TRPM3: variants seen among roughly 807,000 people sequenced by gnomAD.
TRPM3 encodes transient receptor potential cation channel subfamily M member 3, also known as long transient receptor potential channel 3.
Under a neutral mutation model 181.2 loss-of-function variants are expected in TRPM3, and 77 were observed. That is an observed-to-expected ratio of 0.42 (90% CI 0.35 to 0.51). The LOEUF (loss-of-function observed/expected upper bound fraction) is 0.51, where lower values mean the gene tolerates loss of function less well. Among genes scored for constraint, TRPM3 ranks in the 20% least tolerant of loss-of-function variants. The probability of loss-of-function intolerance (pLI) is 0.01; values close to 1 mark genes in which losing one functional copy is unlikely to be tolerated. For synonymous variants in TRPM3, 745 were observed against 796.4 expected (o/e 0.94, Z 1.09); for missense variants, 1,759 against 2,196.7 (o/e 0.80, Z 3.98).
chr9:70,590,971 C>T, intron 22 of TRPM3, 60 bp downstream of exon 22: 4 of 1,606,022 alleles, frequency 2.5e-6, no homozygotes, highest in South Asian at 1.1e-5. Flanking sequence ...TTGGAAAAGA[C>T]ATAACCGAAT....
At chr9:70,968,754 G>T (rs1298533365) in intron 1 of TRPM3, among the ~76,000 whole-genome samples, 1 of 151,956 alleles carries the variant, frequency 6.6e-6, no homozygotes, top group Non-Finnish European at 1.5e-5. Context: ...AATTATATAA[G>T]GTAGATAGTA....
At chr9:71,408,842 G>A (rs527727008) in intron 1 of TRPM3, among the ~76,000 whole-genome samples, 32 of 152,232 alleles carry the variant, frequency 2.1e-4, no homozygotes, top group African/African-American at 7.5e-4. Context: ...AAAGTTTAAG[G>A]GCAGCCAGAG....
chr9:71,352,785 A>T (rs1407988595), intron 1 of TRPM3, among the ~76,000 whole-genome samples: 1 of 152,050 alleles, frequency 6.6e-6, no homozygotes, highest in Non-Finnish European at 1.5e-5. Flanking sequence ...GCCTTTGTCT[A>T]TCTCAGGCAC....
At chr9:71,059,535 T>C (rs2061067551) in intron 1 of TRPM3, among the ~76,000 whole-genome samples, 1 of 152,080 alleles carries the variant, frequency 6.6e-6, no homozygotes, top group South Asian at 2.1e-4. Context: ...CGTACCCAGT[T>C]ATTTAATCAT....
At chr9:71,005,384 C>A (rs1368820627) in intron 1 of TRPM3, among the ~76,000 whole-genome samples, 1 of 151,118 alleles carries the variant, frequency 6.6e-6, no homozygotes, top group African/African-American at 2.4e-5. Flanking sequence ...CTAGCCTGGG[C>A]AACTAGAGTG....
chr9:71,375,867 A>G (rs2092653521), intron 1 of TRPM3, among the ~76,000 whole-genome samples: 1 of 152,038 alleles, frequency 6.6e-6, no homozygotes, highest in Admixed American at 6.6e-5. Flanking sequence ...AGGTATGTAC[A>G]TTGTTTTTTA....
chr9:71,112,425 T>C (rs1053977868), intron 1 of TRPM3, among the ~76,000 whole-genome samples: 4 of 152,196 alleles, frequency 2.6e-5, no homozygotes, highest in East Asian at 1.9e-4. Context: ...GCACGAAATA[T>C]TGGTTTAACT....
intron 1 of TRPM3, among the ~76,000 whole-genome samples, chr9:71,235,171 T>C (rs187809929): frequency 2.0e-5 from 3 of 152,352 alleles, no homozygotes; most frequent in Non-Finnish European, 4.4e-5. Flanking sequence ...TTCTTTGCAT[T>C]GTTCTTCTGC....
At chr9:71,032,041 T>TA (rs371390562) in intron 1 of TRPM3, among the ~76,000 whole-genome samples, 2 of 52,566 alleles carry the variant, frequency 3.8e-5, no homozygotes, top group South Asian at 5.3e-4. Flanking sequence ...TAAATATATA[T>TA]ATATATATTA....
intron 1 of TRPM3, among the ~76,000 whole-genome samples, chr9:71,394,351 A>G (rs1298648535): frequency 6.6e-6 from 1 of 151,886 alleles, no homozygotes; most frequent in Non-Finnish European, 1.5e-5. Flanking sequence ...ACATAGTTTG[A>G]AAAAAATTCC....
intron 7 of TRPM3, among the ~76,000 whole-genome samples, chr9:70,767,286 T>C (rs1283353292): frequency 6.6e-6 from 1 of 152,316 alleles, no homozygotes; most frequent in East Asian, 1.9e-4. Flanking sequence ...TTAATTATAG[T>C]AGAGTCTTGC....
chr9:70,872,078 G>A (rs2095798529), intron 1 of TRPM3, among the ~76,000 whole-genome samples: 1 of 152,016 alleles, frequency 6.6e-6, no homozygotes, highest in Non-Finnish European at 1.5e-5. Context: ...TAAAGAGCAT[G>A]ATATAAAGTA....
intron 1 of TRPM3, among the ~76,000 whole-genome samples, chr9:71,166,338 C>T (rs1474547925): frequency 1.3e-5 from 2 of 152,130 alleles, no homozygotes; most frequent in Admixed American, 1.3e-4. Context: ...AGGAAACGAG[C>T]AGCCCAGTTA....
intron 1 of TRPM3, among the ~76,000 whole-genome samples, chr9:71,202,752 A>G (rs1037058667): frequency 3.3e-5 from 5 of 152,158 alleles, no homozygotes; most frequent in African/African-American, 1.2e-4. Flanking sequence ...CTGAATGCCA[A>G]CTATGTCACT....
chr9:71,405,963 G>A lies in TRPM3; in HGVS notation c.183+40690C>T, dbSNP rs149866964. Among the ~76,000 whole-genome samples the A allele has an allele frequency of 3.5e-3, 527 of 152,214 alleles. 2 individuals carry two copies. The highest frequency in any genetic ancestry group is 0.012 in the African/African-American group (499 of 41,536). On this transcript the variant is annotated intron_variant, in intron 1 of 24. Transcript: ENST00000357533. ...AAAGCTTTCCATCATTTAATATCGC[G>A]TTATCTTTTTTCAAACAATAAAAAA...
intron 8 of TRPM3, among the ~76,000 whole-genome samples, chr9:70,753,505 A>G (rs1343126657): frequency 2.0e-5 from 3 of 152,196 alleles, no homozygotes; most frequent in Non-Finnish European, 2.9e-5. Flanking sequence ...GAGTGGTACG[A>G]GAAGCATCAG....
chr9:71,306,821 C>A (rs758118133), intron 1 of TRPM3, among the ~76,000 whole-genome samples: 1 of 152,136 alleles, frequency 6.6e-6, no homozygotes, highest in Non-Finnish European at 1.5e-5. Context: ...TGCAGTGAGC[C>A]GAGATCGCGC....
chr9:70,581,249 C>T (rs1016040463), intron 22 of TRPM3, among the ~76,000 whole-genome samples: 3 of 152,230 alleles, frequency 2.0e-5, no homozygotes, highest in Non-Finnish European at 2.9e-5. Flanking sequence ...GTTGAAGACT[C>T]AACATCCTGC....
chr9:70,772,245 C>A (rs941520588), intron 7 of TRPM3, among the ~76,000 whole-genome samples: 2 of 152,026 alleles, frequency 1.3e-5, no homozygotes, highest in Non-Finnish European at 2.9e-5. Context: ...CTTTGTCACA[C>A]TAGCCACAGG....
Sources: gnomAD v4.1 joint callset for allele counts (sites outside exome capture counted in the v4.1 genomes callset) on GRCh38, gnomAD v4.1.1 for gene constraint, MANE v1.5 for transcripts, NCBI Gene and HGNC (gene_info 2026-07-23, HGNC 2026-07-21) for gene names.